The following MYO9A variants were observed in gnomAD, a reference collection of about 807,000 sequenced individuals.
MYO9A encodes the protein unconventional myosin-IXa.
In MYO9A, 103 loss-of-function variants were observed where a neutral mutation model predicts 293.3. That is an observed-to-expected ratio of 0.35 (90% CI 0.30 to 0.41). The LOEUF is 0.41. MYO9A is among the 10% of genes least tolerant of loss of function. The pLI is 1.00. For synonymous variants in MYO9A, 1,001 were observed against 1,035.7 expected (o/e 0.97, Z 0.64); for missense variants, 2,685 against 3,033.0 (o/e 0.89, Z 2.69).
At chr15:71,975,024 T>C (rs1160435223) in intron 12 of MYO9A, among the ~76,000 whole-genome samples, 1 of 152,206 alleles carries the variant, frequency 6.6e-6, no homozygotes, top group African/African-American at 2.4e-5. Context: ...GATGACACTG[T>C]CTTTAACTCA....
chr15:72,114,466 T>G (rs568205121), intron 1 of MYO9A: 2 of 152,166 alleles, frequency 1.3e-5, no homozygotes, highest in African/African-American at 4.8e-5. Flanking sequence ...ATGTTGGCAG[T>G]GAAGTACAGA....
chr15:71,850,000 C>G, intron 38 of MYO9A, 36 bp downstream of exon 38: 1 of 1,608,492 alleles, frequency 6.2e-7, no homozygotes, highest in East Asian at 2.2e-5. Context: ...TCAGAAGTCC[C>G]TGAGGTCTTG....
chr15:71,959,019 G>T (rs1239902759), intron 14 of MYO9A: 2 of 152,132 alleles, frequency 1.3e-5, no homozygotes, highest in African/African-American at 4.8e-5. Flanking sequence ...TTAGAAGTTT[G>T]TCATAATAAA....
chr15:71,840,309 G>C (rs1172024296), intron 39 of MYO9A, among the ~76,000 whole-genome samples: 2 of 152,188 alleles, frequency 1.3e-5, no homozygotes, highest in African/African-American at 4.8e-5. Context: ...CACCTGAGTT[G>C]TGACTTAGAA....
chr15:72,057,273 A>T (rs2078749015), intron 1 of MYO9A, among the ~76,000 whole-genome samples: 1 of 152,214 alleles, frequency 6.6e-6, no homozygotes, highest in Non-Finnish European at 1.5e-5. Flanking sequence ...CATCTCAAAA[A>T]TAAAAATTAA....
chr15:72,027,121 C>T (rs1174332911), intron 4 of MYO9A, among the ~76,000 whole-genome samples: 4 of 152,114 alleles, frequency 2.6e-5, no homozygotes, highest in African/African-American at 7.2e-5. Flanking sequence ...GAGTTATATA[C>T]CCTTATTTCA....
At chr15:71,889,099 G>A (rs1356544373) in intron 26 of MYO9A, among the ~76,000 whole-genome samples, 2 of 152,170 alleles carry the variant, frequency 1.3e-5, no homozygotes, top group Non-Finnish European at 2.9e-5. Context: ...AAAGTCCAAG[G>A]TGAGCACAGT....
intron 14 of MYO9A, among the ~76,000 whole-genome samples, chr15:71,955,491 G>C (rs1250735768): frequency 6.6e-6 from 1 of 152,128 alleles, no homozygotes; most frequent in South Asian, 2.1e-4. Context: ...CTAGCTTTTT[G>C]CTGAGGATTT....
chr15:71,860,310 G>C lies in MYO9A; in HGVS notation c.6092-514C>G, dbSNP rs148130487. On this transcript the variant is annotated intron_variant, in intron 33 of 41. Coordinates refer to ENST00000356056, the MANE Select transcript of MYO9A (RefSeq NM_006901.4). ...AAGGTCTTATTTATGATCTCTAAAG[G>C]TTCAGAACAGAGCTCTGAAGAACCA... 1.7e-3 allele frequency among the ~76,000 whole-genome samples: 263 copies of C among 152,296 alleles called. 1 individual carries two copies. The highest frequency in any genetic ancestry group is 5.9e-3 in the African/African-American group (247 of 41,556).
At chr15:72,074,343 T>C (rs890006470) in intron 1 of MYO9A, among the ~76,000 whole-genome samples, 1 of 152,076 alleles carries the variant, frequency 6.6e-6, no homozygotes, top group Admixed American at 6.6e-5. Context: ...CACTCCACTA[T>C]ATTAAAAAGA....
intron 1 of MYO9A, among the ~76,000 whole-genome samples, chr15:72,081,526 T>G (rs1411546948): frequency 6.6e-6 from 1 of 152,180 alleles, no homozygotes; most frequent in Non-Finnish European, 1.5e-5. Flanking sequence ...TAGTTTCTTT[T>G]GCTGTGCAGA....
intron 22 of MYO9A, 83 bp from the exon 23 acceptor site, chr15:71,901,423 C>G (rs1266780251): frequency 7.2e-7 from 1 of 1,395,840 alleles, no homozygotes; most frequent in East Asian, 2.5e-5. Flanking sequence ...CTGTGATAAG[C>G]TTTTAGAGAA....
Position 71,826,893 on chromosome 15 carries a change from T to A in MYO9A, c.7334A>T (p.His2445Leu), listed in dbSNP as rs755317051. The A allele has an allele frequency of 6.2e-7, 1 of 1,610,142 alleles. No individual in the cohort carries two copies. Among genetic ancestry groups the A allele is most frequent in the Admixed American group, 1.7e-5 (1 of 59,976 alleles). Residue 2445 changes from histidine to leucine, a missense_variant, in exon 42 of 42, where the codon CAT becomes CTT. Around this residue, in one of 10 missense-constraint regions of MYO9A, gnomAD observed 350 missense variants for 328.9 expected, o/e 1.06. Transcript: ENST00000356056. ...AATCTGAAATAGTTTTCTGGTCCCA[T>A]GAGATGATGCCGTGTTAGACAGACA... The part of the protein sequence containing the change: ...SLCLSNTASS[H>L]GTRKLFQIYS...
At chr15:71,928,026 T>C (rs1317808223) in intron 18 of MYO9A, among the ~76,000 whole-genome samples, 2 of 31,464 alleles carry the variant, frequency 6.4e-5, no homozygotes, top group Non-Finnish European at 1.9e-4. Flanking sequence ...AATACCTTTC[T>C]AATATATATA....
At chr15:72,063,225 C>G (rs1159610557) in intron 1 of MYO9A, among the ~76,000 whole-genome samples, 1 of 152,184 alleles carries the variant, frequency 6.6e-6, no homozygotes, top group Non-Finnish European at 1.5e-5. Flanking sequence ...ACCCCTATCT[C>G]TCACCATATA....
At chr15:72,093,587 A>G (rs1181163000) in intron 1 of MYO9A, among the ~76,000 whole-genome samples, 1 of 151,802 alleles carries the variant, frequency 6.6e-6, no homozygotes, top group Non-Finnish European at 1.5e-5. Context: ...CAAGGAACTG[A>G]AATTAAAAAT....
intron 1 of MYO9A, among the ~76,000 whole-genome samples, chr15:72,101,902 CGG>C (rs2080354487): frequency 6.6e-6 from 1 of 152,042 alleles, no homozygotes; most frequent in African/African-American, 2.4e-5. Context: ...CGGCCCCGCC[CGG>C]GAGGTGAGGG....
At chr15:72,057,334 A>C (rs1436377333) in intron 1 of MYO9A, among the ~76,000 whole-genome samples, 1 of 152,188 alleles carries the variant, frequency 6.6e-6, no homozygotes, top group Non-Finnish European at 1.5e-5. Context: ...TCCCCAAAAA[A>C]CTATGAAAAT....
At chr15:72,051,518 T>C (rs1372300468) in intron 1 of MYO9A, among the ~76,000 whole-genome samples, 1 of 152,082 alleles carries the variant, frequency 6.6e-6, no homozygotes, top group African/African-American at 2.4e-5. Flanking sequence ...GACCCAGGCA[T>C]GTCTGCACTC....
Sources: allele counts gnomAD v4.1 joint callset (sites outside exome capture counted in the v4.1 genomes callset), GRCh38; gene constraint gnomAD v4.1.1; regional missense constraint gnomAD v4.1.1; transcripts MANE v1.5; gene names NCBI Gene and HGNC (gene_info 2026-07-23, HGNC 2026-07-21).